The following MTA3 variants were observed in gnomAD, a reference collection of about 807,000 sequenced individuals.
MTA3 encodes the protein metastasis associated 1 family member 3, also known as metastasis-associated protein MTA3.
In MTA3, 34 loss-of-function variants were observed where a neutral mutation model predicts 83.5. The ratio of observed to expected loss-of-function variants is 0.41; its 90% confidence interval spans 0.31 to 0.54. The LOEUF (loss-of-function observed/expected upper bound fraction) is 0.54, where lower values mean the gene tolerates loss of function less well. MTA3 is among the 20% of genes least tolerant of loss of function. MTA3 has a pLI of 0.33. For synonymous variants in MTA3, 303 were observed against 252.7 expected, an observed-to-expected ratio of 1.20 and a Z score of -1.89; for missense variants, 761 against 726.4, an observed-to-expected ratio of 1.05 and a Z score of -0.55.
At chr2:42,697,667 A>G (rs912526947) in intron 10 of MTA3, 109 bp from the exon 11 acceptor site, 3 of 736,072 alleles carry the variant, frequency 4.1e-6, no homozygotes, top group East Asian at 3.1e-5. Flanking sequence ...TAAGATGGTA[A>G]TTTTTGAATT....
intron 2 of MTA3, among the ~76,000 whole-genome samples, chr2:42,514,110 G>T (rs2103675299): frequency 6.6e-6 from 1 of 152,282 alleles, no homozygotes; most frequent in African/African-American, 2.4e-5. Flanking sequence ...CTACTTGGGA[G>T]GCTGAGGCAG....
upstream of MTA3, among the ~76,000 whole-genome samples, chr2:42,567,494 T>A (rs534886008): frequency 3.9e-5 from 6 of 152,318 alleles, no homozygotes; most frequent in African/African-American, 1.4e-4. Flanking sequence ...CACAGCTGTG[T>A]ATCACCACAC....
At chr2:42,702,815 C>CT (rs1665706514) in intron 11 of MTA3, 1 of 152,234 alleles carries the variant, frequency 6.6e-6, no homozygotes, top group Admixed American at 6.6e-5. Context: ...GGGAGTTAGC[C>CT]TACCGTACAT....
At chr2:42,728,781 T>C (rs767058958) in intron 16 of MTA3, among the ~76,000 whole-genome samples, 8 of 152,198 alleles carry the variant, frequency 5.3e-5, no homozygotes, top group Non-Finnish European at 1.2e-4. Context: ...TTTTCACACC[T>C]TTTGCCCATT....
chr2:42,678,618 C>T (rs758505860), intron 8 of MTA3, among the ~76,000 whole-genome samples: 19 of 152,106 alleles, frequency 1.2e-4, no homozygotes, highest in African/African-American at 4.3e-4. Flanking sequence ...TGTGAACCAC[C>T]GCACCTGGCC....
chr2:42,695,875 T>A, intron 10 of MTA3, 36 bp downstream of exon 10: 4 of 1,291,704 alleles, frequency 3.1e-6, no homozygotes, highest in African/African-American at 1.5e-5. Context: ...TATGGTTGCA[T>A]TTAAGTGAAC....
chr2:42,609,117 A>G (rs1573246165), intron 3 of MTA3, among the ~76,000 whole-genome samples: 2 of 142,626 alleles, frequency 1.4e-5, no homozygotes, highest in Non-Finnish European at 3.0e-5. Context: ...TGCAAACTCC[A>G]CCCCCTGGAT....
chr2:42,609,476 C>A lies in MTA3; in HGVS notation c.209C>A (p.Ser70Tyr), dbSNP rs1226669477. ...TGTGTAGAAGAAATTGAGGAAGAATCTGAAACAACAGTTGAGGCTGACTTG... is the reference window on the plus strand; with the variant it reads ...TGTGTAGAAGAAATTGAGGAAGAATATGAAACAACAGTTGAGGCTGACTTG... ...DKHAKEIEEE[S>Y]ETTVEADLTD... The change falls in exon 4 of 17, where the codon TCT becomes TAT. Residue 70 changes from serine (S) to tyrosine (Y), a missense_variant. Transcript: ENST00000405094. 2 of 1,613,642 alleles carry A rather than the reference C, an allele frequency of 1.2e-6. No homozygotes were observed. The highest frequency in any genetic ancestry group is 1.7e-5 in the Admixed American group (1 of 59,938).
intron 15 of MTA3, 27 bp from the exon 16 acceptor site, chr2:42,722,862 A>G (rs1419939722): frequency 6.5e-7 from 1 of 1,550,278 alleles, no homozygotes; most frequent in Non-Finnish European, 8.7e-7. Context: ...CATGTTCTGA[A>G]TTGAGAAACC....
chr2:42,627,831 G>A (rs1431642570), intron 4 of MTA3, among the ~76,000 whole-genome samples: 1 of 151,116 alleles, frequency 6.6e-6, no homozygotes, highest in African/African-American at 2.4e-5. Context: ...GCCCACCTGG[G>A]CCTTCCAAAG....
intron 2 of MTA3, among the ~76,000 whole-genome samples, chr2:42,559,159 C>G (rs1677540831): frequency 1.3e-5 from 2 of 152,188 alleles, no homozygotes; most frequent in African/African-American, 4.8e-5. Flanking sequence ...ATCCAGTTGT[C>G]TATCTAATAT....
chr2:42,718,988 A>G lies in MTA3; in HGVS notation c.1526A>G (p.Tyr509Cys), dbSNP rs1280461642. The change falls in exon 15 of 17, where the codon TAT (tyrosine) becomes TGT (cysteine). Residue 509 changes from tyrosine to cysteine, a missense_variant and splice_region_variant. By Grantham distance (194) the Tyr-to-Cys change is radical (BLOSUM62 -2). Transcript: ENST00000405094. Reference protein sequence around the residue: ...AINYAAIRAEYADRHAELSGS... With the variant: ...AINYAAIRAECADRHAELSGS... ...TCTCCATGTTTCTTTCTCTCCTCAG[A>G]TGCAGACAGACATGCTGAACTATCT... 4 of 1,549,136 alleles carry G rather than the reference A, an allele frequency of 2.6e-6. No individual in the cohort carries two copies. Among genetic ancestry groups the G allele is most frequent in the Non-Finnish European group, 3.5e-6 (4 of 1,145,848 alleles).
chr2:42,690,526 T>C (rs1365355305), intron 9 of MTA3, among the ~76,000 whole-genome samples: 1 of 152,042 alleles, frequency 6.6e-6, no homozygotes. Flanking sequence ...TCTCTGAGCA[T>C]CCTAGAGCTG....
upstream of MTA3, among the ~76,000 whole-genome samples, chr2:42,565,027 C>T (rs776277075): frequency 5.9e-5 from 9 of 152,124 alleles, no homozygotes; most frequent in East Asian, 1.9e-4. Context: ...CCGCCGGCCT[C>T]GGCCTCCCAA....
chr2:42,754,511 C>A lies in MTA3; in HGVS notation c.*1112C>A, dbSNP rs373466310. On this transcript the variant is annotated 3_prime_UTR_variant, in exon 17 of 17. Coordinates refer to ENST00000405094, the MANE Select transcript of MTA3 (RefSeq NM_001330442.2). ...CCCTTGGTGGCATCACAGTTGGCCA[C>A]TCAGCTGTGCTGAGTAGCTGTGCTA... 5.2e-5 allele frequency: 51 copies of A among 985,444 alleles called. No individual in the cohort carries two copies. In the East Asian group the frequency reaches 1.5e-3, roughly 29 times the overall value. 61.0% of individuals were successfully genotyped at this position (985,444 alleles called of 1,614,324 possible). A position where few individuals can be genotyped will look rare whatever the true frequency, so the allele number is the denominator to read the frequency against.
chr2:42,641,420 T>C (rs1687682549), intron 5 of MTA3, among the ~76,000 whole-genome samples: 1 of 152,156 alleles, frequency 6.6e-6, no homozygotes. Context: ...AAAATTTAGA[T>C]AGGCTTTTGT....
At chr2:42,541,030 A>G (rs977705534) in intron 2 of MTA3, among the ~76,000 whole-genome samples, 1 of 151,346 alleles carries the variant, frequency 6.6e-6, no homozygotes, top group African/African-American at 2.4e-5. Flanking sequence ...CCTTACTTCA[A>G]ATTTTTTTTT....
At chr2:42,532,732 C>A in intron 2 of MTA3, 1 of 206,202 alleles carries the variant, frequency 4.8e-6, no homozygotes, top group South Asian at 8.8e-5. Context: ...TTTTTACAAT[C>A]CAGAGGTTTT....
chr2:42,756,727 C>T lies in MTA3; in HGVS notation c.*3328C>T. The T allele has an allele frequency of 1.0e-6, 1 of 985,490 alleles. No homozygotes were observed. Among genetic ancestry groups the T allele is most frequent in the Non-Finnish European group, 1.2e-6 (1 of 829,988 alleles). 61.0% of individuals were successfully genotyped at this position (985,490 alleles called of 1,614,324 possible). ...CTCCTCACCATTCCCCCCAGGAAGG[C>T]CATGTCCCAGTTTTCTGTCCACCCC... On this transcript the variant is annotated 3_prime_UTR_variant, in exon 17 of 17. Coordinates refer to ENST00000405094, the MANE Select transcript of MTA3 (RefSeq NM_001330442.2).
Sources: gnomAD v4.1 joint callset for allele counts (sites outside exome capture counted in the v4.1 genomes callset) on GRCh38, gnomAD v4.1.1 for gene constraint, MANE v1.5 for transcripts, NCBI Gene and HGNC (gene_info 2026-07-23, HGNC 2026-07-21) for gene names.